The following PDE8A variants were observed in gnomAD, a reference collection of about 807,000 sequenced individuals.
PDE8A encodes the protein high affinity cAMP-specific and IBMX-insensitive 3',5'-cyclic phosphodiesterase 8A.
PDE8A carries 59 observed loss-of-function variants against 105.0 expected under a neutral mutation model. That is an observed-to-expected ratio of 0.56 (90% CI 0.46 to 0.70). The LOEUF is 0.70. Among genes scored for constraint, PDE8A ranks in the 30% least tolerant of loss-of-function variants. The pLI is 0.00. For synonymous variants in PDE8A, 355 were observed against 371.9 expected (o/e 0.95, Z 0.52); for missense variants, 1,014 against 1,045.9 (o/e 0.97, Z 0.42).
intron 1 of PDE8A, among the ~76,000 whole-genome samples, chr15:84,985,086 G>A (rs1421620103): frequency 1.3e-5 from 2 of 152,284 alleles, no homozygotes; most frequent in East Asian, 1.9e-4. Context: ...TTTTTAGAGT[G>A]TGCATCATTT....
At chr15:85,129,638 C>T (rs1398927651) in intron 20 of PDE8A, among the ~76,000 whole-genome samples, 1 of 147,316 alleles carries the variant, frequency 6.8e-6, no homozygotes, top group African/African-American at 2.6e-5. Flanking sequence ...ATTTGTCAAT[C>T]TTGTTGATCT....
intron 8 of PDE8A, among the ~76,000 whole-genome samples, chr15:85,095,826 C>A (rs947859810): frequency 6.6e-6 from 1 of 150,804 alleles, no homozygotes; most frequent in Non-Finnish European, 1.5e-5. Context: ...GCTCAGTCAC[C>A]CAAGTCTATT....
chr15:84,981,972 A>AGCCGCC lies in PDE8A; in HGVS notation c.-182_-177dup, dbSNP rs958691481. Reference sequence around the variant, plus strand: ...CGCCTAAGCGCCCCCTTCCCACCGCAGCCGCCGCCGCCGCAGCGCCCGCAC... The same window carrying AGCCGCC: ...CGCCTAAGCGCCCCCTTCCCACCGCAGCCGCCGCCGCCGCCGCCGCAGCGCCCGCAC... On this transcript the variant is annotated 5_prime_UTR_variant, in exon 1 of 22. Transcript: ENST00000394553. 2.8e-5 allele frequency: 8 copies of AGCCGCC among 289,152 alleles called. No individual in the cohort carries two copies. The highest frequency in any genetic ancestry group is 9.7e-4 in the Middle Eastern group (1 of 1,034). 17.9% of individuals were successfully genotyped at this position (289,152 alleles called of 1,614,324 possible).
At chr15:85,029,100 A>G (rs289393) in intron 1 of PDE8A, among the ~76,000 whole-genome samples, 83,154 of 151,860 alleles carry the variant, frequency 0.55, 22,811 homozygotes, top group South Asian at 0.57. Context: ...CCTGTAGTAA[A>G]AAAAGAAAGG....
At chr15:84,988,981 G>T (rs2079845555) in intron 1 of PDE8A, among the ~76,000 whole-genome samples, 1 of 152,206 alleles carries the variant, frequency 6.6e-6, no homozygotes, top group Non-Finnish European at 1.5e-5. Flanking sequence ...AAAGTTGTTG[G>T]GGTGTATTCT....
At chr15:85,081,419 T>C (rs1025417595) in intron 5 of PDE8A, among the ~76,000 whole-genome samples, 1 of 152,154 alleles carries the variant, frequency 6.6e-6, no homozygotes, top group African/African-American at 2.4e-5. Context: ...ATAATTCTAA[T>C]ATGCAGCTGA....
intron 21 of PDE8A, 125 bp from the exon 22 acceptor site, chr15:85,137,672 C>T (rs1235102442): frequency 3.2e-6 from 2 of 630,638 alleles, no homozygotes; most frequent in Non-Finnish European, 2.9e-6. Flanking sequence ...GTGTGTTTGC[C>T]CGGGTCTGTT....
intron 20 of PDE8A, among the ~76,000 whole-genome samples, chr15:85,130,332 C>G (rs954468007): frequency 3.9e-5 from 6 of 152,212 alleles, no homozygotes; most frequent in African/African-American, 1.4e-4. Context: ...GACATTCAAA[C>G]CATATCAAAG....
chr15:85,053,515 T>G (rs1224813311), intron 1 of PDE8A, among the ~76,000 whole-genome samples: 7 of 152,192 alleles, frequency 4.6e-5, no homozygotes, highest in Non-Finnish European at 1.0e-4. Flanking sequence ...GGTTTGTAGT[T>G]CTCCTTGAAG....
chr15:85,037,143 G>A (rs1182857786), intron 1 of PDE8A, among the ~76,000 whole-genome samples: 1 of 149,946 alleles, frequency 6.7e-6, no homozygotes, highest in Non-Finnish European at 1.5e-5. Flanking sequence ...TTGGCTCACT[G>A]CAACCTCTCC....
intron 8 of PDE8A, among the ~76,000 whole-genome samples, chr15:85,094,633 C>T (rs2081710412): frequency 6.6e-6 from 1 of 152,222 alleles, no homozygotes; most frequent in African/African-American, 2.4e-5. Flanking sequence ...ACCTACCTCA[C>T]AGTTGCTTTG....
At position 85,033,844 on chromosome 15, in the gene PDE8A, G is replaced by T. The variant is rs1037313071; in HGVS notation, c.187-30526G>T. 3.9e-5 allele frequency among the ~76,000 whole-genome samples: 6 copies of T among 152,288 alleles called. No homozygotes were observed. The East Asian group carries it at 9.6e-4, about 24-fold the overall frequency. ...TGTGCCGCTGCACTCCAGCCTGGGC[G>T]ATAGAGCAAGACGTGGTCTCAAAAA... On this transcript the variant is annotated intron_variant, in intron 1 of 21. Transcript: ENST00000394553.
chr15:85,029,866 T>A lies in PDE8A; in HGVS notation c.187-34504T>A, dbSNP rs1159428680. Among the ~76,000 whole-genome samples the A allele has an allele frequency of 2.0e-5, 3 of 152,218 alleles. No individual in the cohort carries two copies. The East Asian group carries it at 5.8e-4, about 29-fold the overall frequency. ...GTCTGGAAGTCAAGTGTCACTCATA[T>A]GACAATGTCTAAGGCAGGTGGGAAG... On this transcript the variant is annotated intron_variant, in intron 1 of 21. Transcript: ENST00000394553.
In PDE8A at chr15:85,067,034, A is replaced by G; in HGVS notation, c.264A>G (p.Lys88=). 6.2e-7 allele frequency: 1 copy of G among 1,605,242 alleles called. No individual in the cohort carries two copies. Among genetic ancestry groups the G allele is most frequent in the Non-Finnish European group, 8.5e-7 (1 of 1,176,576 alleles). ...TTCAGGTACTTTTAGTGTTTACCAA[A>G]GAAGATAACCAATGTAATGGATTCT... ...DQLQVLLVFT[K]EDNQCNGFCR... is the part of the protein sequence containing the mutation. Residue 88 remains lysine, a synonymous_variant, in exon 3 of 22, where the codon AAA becomes AAG. Coordinates refer to ENST00000394553, the MANE Select transcript of PDE8A (RefSeq NM_002605.3).
intron 1 of PDE8A, among the ~76,000 whole-genome samples, chr15:85,015,301 ACCGGAGC>A (rs999300609): frequency 1.3e-5 from 2 of 151,328 alleles, no homozygotes; most frequent in African/African-American, 4.9e-5. Context: ...ATCACAGCTC[ACCGGAGC>A]CTCGACCTCC....
intron 18 of PDE8A, among the ~76,000 whole-genome samples, chr15:85,121,792 C>T (rs1188435950): frequency 6.6e-6 from 1 of 152,172 alleles, no homozygotes; most frequent in African/African-American, 2.4e-5. Context: ...CTCAACTCCC[C>T]TAGTCCTAGA....
chr15:85,137,670 G>A, intron 21 of PDE8A, 127 bp from the exon 22 acceptor site: 1 of 626,834 alleles, frequency 1.6e-6, no homozygotes. Context: ...GGGTGTGTTT[G>A]CCCGGGTCTG....
chr15:85,030,232 AT>A (rs1307805567), intron 1 of PDE8A, among the ~76,000 whole-genome samples: 1 of 151,776 alleles, frequency 6.6e-6, no homozygotes, highest in African/African-American at 2.4e-5. Flanking sequence ...AGAGGGTATG[AT>A]TCTGCCTGAG....
intron 1 of PDE8A, among the ~76,000 whole-genome samples, chr15:85,050,585 G>C (rs1023845601): frequency 1.6e-4 from 25 of 152,238 alleles, no homozygotes; most frequent in African/African-American, 5.5e-4. Flanking sequence ...TTTCACCATT[G>C]AATGTTCTTG....
Sources: gnomAD v4.1 joint callset for allele counts (sites outside exome capture counted in the v4.1 genomes callset) on GRCh38, gnomAD v4.1.1 for gene constraint, MANE v1.5 for transcripts, NCBI Gene and HGNC (gene_info 2026-07-23, HGNC 2026-07-21) for gene names.